Variants in PPP2R5E observed in about 807,000 individuals in gnomAD.
PPP2R5E encodes the protein serine/threonine-protein phosphatase 2A 56 kDa regulatory subunit epsilon isoform.
PPP2R5E carries 4 observed loss-of-function variants against 65.3 expected under a neutral mutation model. The observed-to-expected ratio is 0.06, with a 90% CI of 0.03 to 0.14. The LOEUF is 0.14. Among genes scored for constraint, PPP2R5E ranks in the 10% least tolerant of loss-of-function variants. The pLI is 1.00. For synonymous variants in PPP2R5E, 183 were observed against 187.4 expected (o/e 0.98, Z 0.19); for missense variants, 274 against 556.1 (o/e 0.49, Z 5.10).
chr14:63,523,260 G>A lies in PPP2R5E; in HGVS notation c.157+16269C>T, dbSNP rs576438277. Among the ~76,000 whole-genome samples, 25 of 152,280 alleles carry A rather than the reference G, an allele frequency of 1.6e-4. No homozygotes were observed. The South Asian group carries it at 2.1e-3, about 13-fold the overall frequency. On this transcript the variant is annotated intron_variant, in intron 2 of 13. Transcript: ENST00000337537. ...ATGATGACAATGGCGGTTTTGTGGAGTAGAAAGTGGTGAGAGGTGGGGAAA... is the reference window on the plus strand; with the variant it reads ...ATGATGACAATGGCGGTTTTGTGGAATAGAAAGTGGTGAGAGGTGGGGAAA...
intron 2 of PPP2R5E, among the ~76,000 whole-genome samples, chr14:63,470,837 A>T (rs1890092963): frequency 6.6e-6 from 1 of 152,060 alleles, no homozygotes; most frequent in South Asian, 2.1e-4. Flanking sequence ...ACAAAAAAAA[A>T]AAAAAAATTA....
chr14:63,508,166 T>A (rs1396672107), intron 2 of PPP2R5E: 2 of 985,448 alleles, frequency 2.0e-6, no homozygotes, highest in Non-Finnish European at 2.4e-6. Context: ...CAGGCCTTCA[T>A]TACCAAGTGT....
intron 3 of PPP2R5E, among the ~76,000 whole-genome samples, chr14:63,428,131 T>G (rs968348365): frequency 6.6e-6 from 1 of 152,136 alleles, no homozygotes; most frequent in African/African-American, 2.4e-5. Flanking sequence ...ACTATAACGA[T>G]CTCTCATCCC....
rs1011212599 is a variant in PPP2R5E, at chr14:63,373,127, C to T, written c.*2882G>A. On this transcript the variant is annotated 3_prime_UTR_variant, in exon 14 of 14. Coordinates refer to ENST00000337537, the MANE Select transcript of PPP2R5E (RefSeq NM_006246.5). The stretch of plus-strand genomic sequence containing the variant: ...CTAGGCCCACAGCCTAAGGCCTCAG[C>T]GTCATTCTAAACCACAGGGTTGTGT... 4.6e-5 allele frequency: 7 copies of T among 152,114 alleles called. No individual in the cohort carries two copies. Among genetic ancestry groups the T allele is most frequent in the African/African-American group, 9.7e-5 (4 of 41,418 alleles). 9.4% of individuals were successfully genotyped at this position (152,114 alleles called of 1,614,324 possible). A position where few individuals can be genotyped will look rare whatever the true frequency, so the allele number is the denominator to read the frequency against.
intron 3 of PPP2R5E, among the ~76,000 whole-genome samples, chr14:63,427,351 A>T (rs1424723858): frequency 6.6e-6 from 1 of 152,222 alleles, no homozygotes; most frequent in Non-Finnish European, 1.5e-5. Flanking sequence ...TATATTAGAT[A>T]CATTTATTTT....
chr14:63,374,123 T>C lies in PPP2R5E; in HGVS notation c.*1886A>G, dbSNP rs1313771225. The C allele has an allele frequency of 1.3e-5, 2 of 151,794 alleles. No individual in the cohort carries two copies. 9.4% of individuals were successfully genotyped at this position (151,794 alleles called of 1,614,324 possible). Reference sequence around the variant, plus strand: ...TTTGGAATTAACAATGCCAGTTTTGTTTGTTTTTTTACAAAGTTACCGAGA... The same window carrying C: ...TTTGGAATTAACAATGCCAGTTTTGCTTGTTTTTTTACAAAGTTACCGAGA... On this transcript the variant is annotated 3_prime_UTR_variant, in exon 14 of 14. Transcript: ENST00000337537.
intron 2 of PPP2R5E, among the ~76,000 whole-genome samples, chr14:63,533,933 C>G (rs1021008173): frequency 1.3e-5 from 2 of 152,132 alleles, no homozygotes; most frequent in Admixed American, 6.6e-5. Context: ...GGTGACAGAG[C>G]GAGACTCTGT....
intron 13 of PPP2R5E, among the ~76,000 whole-genome samples, chr14:63,379,995 T>TGGCTAATTTTC (rs1247126919): frequency 2.0e-5 from 3 of 151,726 alleles, no homozygotes; most frequent in African/African-American, 7.3e-5. Flanking sequence ...CCACCGTGCC[T>TGGCTAATTTTC]GGCTAATTTT....
At chr14:63,484,291 C>T (rs747374165) in intron 2 of PPP2R5E, among the ~76,000 whole-genome samples, 3 of 151,468 alleles carry the variant, frequency 2.0e-5, no homozygotes, top group Non-Finnish European at 4.4e-5. Context: ...AGAGGGGAAA[C>T]TGAAGGCATC....
intron 2 of PPP2R5E, among the ~76,000 whole-genome samples, chr14:63,521,859 C>T (rs2139727836): frequency 6.6e-6 from 1 of 152,260 alleles, no homozygotes; most frequent in African/African-American, 2.4e-5. Flanking sequence ...CCTTCTGATG[C>T]ATGGCTATCT....
At chr14:63,468,876 C>T (rs758712204) in intron 2 of PPP2R5E, among the ~76,000 whole-genome samples, 4 of 152,098 alleles carry the variant, frequency 2.6e-5, no homozygotes. Context: ...ACATAAAATA[C>T]TAAACCACTT....
At chr14:63,384,681 C>T (rs1267969446) in intron 11 of PPP2R5E, 110 bp from the exon 12 acceptor site, 4 of 830,722 alleles carry the variant, frequency 4.8e-6, no homozygotes, top group Middle Eastern at 2.4e-4. Flanking sequence ...GTAAATCATT[C>T]AATTAGAGGT....
intron 6 of PPP2R5E, 103 bp from the exon 7 acceptor site, chr14:63,395,388 GA>G: frequency 3.9e-5 from 13 of 334,758 alleles, no homozygotes; most frequent in Admixed American, 2.0e-4. Context: ...AGGAGGAGAA[GA>G]GGAGGAGGAG....
chr14:63,462,089 T>A (rs1889507311), intron 2 of PPP2R5E, among the ~76,000 whole-genome samples: 2 of 148,306 alleles, frequency 1.3e-5, no homozygotes, highest in African/African-American at 2.6e-5. Flanking sequence ...TTTTTTTTTT[T>A]AGACGGAGTC....
At chr14:63,399,366 C>CTTTGTTTTTTTTTTTTTT (rs1885604828) in intron 5 of PPP2R5E, among the ~76,000 whole-genome samples, 1 of 48,504 alleles carries the variant, frequency 2.1e-5, no homozygotes. Flanking sequence ...GGATTTCTTT[C>CTTTGTTTTTTTTTTTTTT]TTTTTTTTTT....
chr14:63,490,837 G>A (rs1891252165), intron 2 of PPP2R5E, among the ~76,000 whole-genome samples: 1 of 152,016 alleles, frequency 6.6e-6, no homozygotes, highest in East Asian at 1.9e-4. Flanking sequence ...ATTTCTCAAA[G>A]AACTAAAAAT....
intron 2 of PPP2R5E, among the ~76,000 whole-genome samples, chr14:63,503,526 G>A (rs2139675380): frequency 6.6e-6 from 1 of 152,232 alleles, no homozygotes; most frequent in South Asian, 2.1e-4. Flanking sequence ...ACTGAAGTCT[G>A]AAAACAACTG....
At chr14:63,514,707 A>T (rs1322648821) in intron 2 of PPP2R5E, among the ~76,000 whole-genome samples, 1 of 152,218 alleles carries the variant, frequency 6.6e-6, no homozygotes, top group African/African-American at 2.4e-5. Context: ...CTAGACAGCA[A>T]GAATACAATC....
intron 11 of PPP2R5E, among the ~76,000 whole-genome samples, chr14:63,385,637 G>A (rs1884619127): frequency 6.6e-6 from 1 of 152,186 alleles, no homozygotes; most frequent in South Asian, 2.1e-4. Context: ...CAGGCACTGT[G>A]CCTACACAGC....
Sources: gnomAD v4.1 joint callset for allele counts (sites outside exome capture counted in the v4.1 genomes callset) on GRCh38, gnomAD v4.1.1 for gene constraint, MANE v1.5 for transcripts, NCBI Gene and HGNC (gene_info 2026-07-23, HGNC 2026-07-21) for gene names.